Variants in ACTN4 observed in about 807,000 individuals in gnomAD.
The protein encoded by ACTN4 is actinin alpha 4.
Under a neutral mutation model 114.2 loss-of-function variants are expected in ACTN4, and 18 were observed. The ratio of observed to expected loss-of-function variants is 0.16; its 90% CI spans 0.11 to 0.23. ACTN4 has a LOEUF of 0.23. Among genes scored for constraint, ACTN4 ranks in the 10% least tolerant of loss-of-function variants. The probability of loss-of-function intolerance (pLI) is 1.00; values close to 1 mark genes in which losing one functional copy is unlikely to be tolerated. For synonymous variants in ACTN4, 515 were observed against 506.3 expected (o/e 1.02, Z -0.23); for missense variants, 722 against 1,262.9 (o/e 0.57, Z 6.49).
At chr19:38,705,507 T>G (rs749907338) in intron 4 of ACTN4, among the ~76,000 whole-genome samples, 18 of 152,180 alleles carry the variant, frequency 1.2e-4, no homozygotes, top group Non-Finnish European at 1.5e-4. Flanking sequence ...TGGGCTAGCG[T>G]GCAGGGGCTC....
At chr19:38,684,445 C>G (rs193075253) in intron 1 of ACTN4, among the ~76,000 whole-genome samples, 355 of 152,288 alleles carry the variant, frequency 2.3e-3, no homozygotes, top group Admixed American at 6.1e-3. Context: ...TCCCCCACCC[C>G]CTGCAGGACA....
At chr19:38,690,842 C>T (rs957286179) in intron 1 of ACTN4, among the ~76,000 whole-genome samples, 5 of 152,206 alleles carry the variant, frequency 3.3e-5, no homozygotes, top group African/African-American at 1.2e-4. Flanking sequence ...ATGTGAATTA[C>T]ATTTCAATTT....
chr19:38,727,000 G>A lies in ACTN4; in HGVS notation c.2234G>A (p.Arg745His), dbSNP rs1184245271. The A allele has an allele frequency of 6.2e-6, 10 of 1,614,090 alleles. No homozygotes were observed. The highest frequency in any genetic ancestry group is 1.7e-5 in the Admixed American group (1 of 60,026). ...GAGCAGCTGCTCACCACCATTGCCC[G>A]CACCATCAACGAGGTGGAGAACCAG... Reference protein sequence around the residue: ...GWEQLLTTIARTINEVENQIL... With the variant: ...GWEQLLTTIAHTINEVENQIL... Residue 745 changes from arginine to histidine, a missense_variant, in exon 18 of 21, where the codon CGC becomes CAC. By Grantham distance (29) the Arg-to-His change is conservative. Transcript: ENST00000252699.
At chr19:38,688,012 C>T (rs750361089) in intron 1 of ACTN4, among the ~76,000 whole-genome samples, 5 of 137,352 alleles carry the variant, frequency 3.6e-5, no homozygotes, top group Non-Finnish European at 6.6e-5. Context: ...AAAAGGTGTT[C>T]GATGTCATTA....
At chr19:38,692,459 G>A (rs1337213512) in intron 1 of ACTN4, among the ~76,000 whole-genome samples, 3 of 152,204 alleles carry the variant, frequency 2.0e-5, no homozygotes, top group Admixed American at 1.3e-4. Context: ...GGTGGCAGTG[G>A]ATCTTCAAAA....
intron 16 of ACTN4, among the ~76,000 whole-genome samples, chr19:38,725,054 C>G (rs1470572827): frequency 6.6e-6 from 1 of 152,168 alleles, no homozygotes; most frequent in Non-Finnish European, 1.5e-5. Flanking sequence ...GTCCTCCCAG[C>G]TCTAAAATGG....
chr19:38,666,279 G>A (rs1966957511), intron 1 of ACTN4, among the ~76,000 whole-genome samples: 1 of 152,074 alleles, frequency 6.6e-6, no homozygotes, highest in African/African-American at 2.4e-5. Flanking sequence ...TGAGGAGAAT[G>A]TCCGCCTCCC....
chr19:38,683,217 T>C (rs564599751), intron 1 of ACTN4, among the ~76,000 whole-genome samples: 1 of 152,312 alleles, frequency 6.6e-6, no homozygotes, highest in South Asian at 2.1e-4. Flanking sequence ...TGGAATCCTG[T>C]GAGGCCCAGT....
rs1304954978 is a variant in ACTN4, at chr19:38,730,373, G to A, written c.*941G>A. 1.1e-5 allele frequency: 2 copies of A among 189,812 alleles called. No homozygotes were observed. The highest frequency in any genetic ancestry group is 2.2e-5 in the Non-Finnish European group (2 of 89,924). The allele number at this position is 189,812 out of a possible 1,614,324, so 11.8% of individuals were successfully genotyped here. Reference sequence around the variant, plus strand: ...CGTGGGTCTCTGGGGACCCTCCAGAGGTGGAGGTGGGCTGATGGCCTGGCT... The same window carrying A: ...CGTGGGTCTCTGGGGACCCTCCAGAAGTGGAGGTGGGCTGATGGCCTGGCT... On this transcript the variant is annotated 3_prime_UTR_variant, in exon 21 of 21. Transcript: ENST00000252699.
At position 38,730,574 on chromosome 19, in the gene ACTN4, T is replaced by A. The variant is rs1969508019; in HGVS notation, c.*1142T>A. 3.7e-6 allele frequency: 2 copies of A among 546,150 alleles called. No individual in the cohort carries two copies. Among genetic ancestry groups the A allele is most frequent in the Non-Finnish European group, 6.5e-6 (2 of 305,638 alleles). The allele number at this position is 546,150 out of a possible 1,614,324, so 33.8% of individuals were successfully genotyped here. On this transcript the variant is annotated 3_prime_UTR_variant, in exon 21 of 21. Transcript: ENST00000252699. ...TTTTTTATTTCTCCTGTGTCTGTCC[T>A]CCACCTTCTAGGAGAGCCAGGGCAG...
intron 9 of ACTN4, among the ~76,000 whole-genome samples, chr19:38,714,787 C>G (rs1299849543): frequency 6.6e-6 from 1 of 152,242 alleles, no homozygotes; most frequent in Non-Finnish European, 1.5e-5. Flanking sequence ...CCCCTGGGCT[C>G]CCGAGCTTGG....
chr19:38,670,865 G>A (rs1967105907), intron 1 of ACTN4, among the ~76,000 whole-genome samples: 1 of 151,464 alleles, frequency 6.6e-6, no homozygotes, highest in South Asian at 2.1e-4. Flanking sequence ...GGAGGTTGCA[G>A]TGAGCTGAGA....
chr19:38,701,531 C>T (rs1317059597), intron 3 of ACTN4, among the ~76,000 whole-genome samples: 1 of 152,204 alleles, frequency 6.6e-6, no homozygotes, highest in Non-Finnish European at 1.5e-5. Context: ...TGCCCGGTAT[C>T]AGAGAAGGAC....
At chr19:38,664,757 C>T (rs1057232705) in intron 1 of ACTN4, among the ~76,000 whole-genome samples, 5 of 152,148 alleles carry the variant, frequency 3.3e-5, no homozygotes, top group African/African-American at 1.2e-4. Flanking sequence ...TCCGGGGAGG[C>T]CCTGCCCAGC....
chr19:38,698,879 C>A (rs1193956514), intron 1 of ACTN4, among the ~76,000 whole-genome samples: 1 of 152,194 alleles, frequency 6.6e-6, no homozygotes, highest in African/African-American at 2.4e-5. Flanking sequence ...TGTGTCGAGT[C>A]TCCCTGAATG....
intron 1 of ACTN4, among the ~76,000 whole-genome samples, chr19:38,691,902 AAAACAAAC>A (rs766275096): frequency 1.3e-5 from 2 of 152,058 alleles, no homozygotes; most frequent in South Asian, 4.2e-4. Flanking sequence ...ACTCTGTCTC[AAAACAAAC>A]AAACAAACAA....
intron 12 of ACTN4, 34 bp from the exon 13 acceptor site, chr19:38,723,580 T>A (rs763946039): frequency 6.6e-7 from 1 of 1,524,746 alleles, no homozygotes; most frequent in East Asian, 2.3e-5. Flanking sequence ...CACTTGCCCT[T>A]GCCGAGTCTC....
chr19:38,720,645 C>T (rs1244025933), intron 11 of ACTN4, among the ~76,000 whole-genome samples: 1 of 152,238 alleles, frequency 6.6e-6, no homozygotes, highest in Non-Finnish European at 1.5e-5. Context: ...TCGAACACCA[C>T]CTCACTGAAA....
At chr19:38,680,267 C>T (rs1967522487) in intron 1 of ACTN4, among the ~76,000 whole-genome samples, 2 of 140,308 alleles carry the variant, frequency 1.4e-5, no homozygotes, top group Non-Finnish European at 3.0e-5. Context: ...CTCACTCAGT[C>T]GCCCAGGCTA....
Sources: gnomAD v4.1 joint callset for allele counts (sites outside exome capture counted in the v4.1 genomes callset) on GRCh38, gnomAD v4.1.1 for gene constraint, MANE v1.5 for transcripts, NCBI Gene and HGNC (gene_info 2026-07-23, HGNC 2026-07-21) for gene names.